Variants in GRAMD4 observed in about 807,000 individuals in gnomAD.
GRAMD4 encodes the protein GRAM domain-containing protein 4.
A neutral mutation model predicts 83.9 loss-of-function variants in GRAMD4; 25 were observed. That is an observed-to-expected ratio of 0.30 (90% confidence interval 0.22 to 0.42). GRAMD4 has a LOEUF of 0.42. Among genes scored for constraint, GRAMD4 ranks in the 10% least tolerant of loss-of-function variants. The probability of loss-of-function intolerance (pLI) is 1.00; values close to 1 mark genes in which losing one functional copy is unlikely to be tolerated. For missense variants in GRAMD4, 593 were observed against 788.7 expected, an observed-to-expected ratio of 0.75 and a Z score of 2.97; for synonymous variants, 336 against 320.9, an observed-to-expected ratio of 1.05 and a Z score of -0.50.
At chr22:46,674,634 A>T in intron 15 of GRAMD4, 23 bp from the exon 16 acceptor site, 1 of 1,532,064 alleles carries the variant, frequency 6.5e-7, no homozygotes, top group Non-Finnish European at 9.0e-7. Context: ...GGAAAGTGTG[A>T]CAGGCGGGCC....
intron 3 of GRAMD4, among the ~76,000 whole-genome samples, chr22:46,656,870 G>A (rs1264474627): frequency 6.6e-6 from 1 of 152,224 alleles, no homozygotes; most frequent in Non-Finnish European, 1.5e-5. Context: ...CTGTGCAGTT[G>A]AAGTCGAGGC....
At chr22:46,589,461 T>G in intron 1 of GRAMD4, among the ~76,000 whole-genome samples, 1 of 123,094 alleles carries the variant, frequency 8.1e-6, no homozygotes, top group Non-Finnish European at 1.7e-5. Context: ...GCTGGGCTGT[T>G]TGGGGGGATG....
downstream of GRAMD4, among the ~76,000 whole-genome samples, chr22:46,680,805 C>CCCATCCATCCATCCAT (rs751195568): frequency 5.4e-5 from 3 of 55,872 alleles, no homozygotes; most frequent in South Asian, 6.6e-4. Context: ...CATTCACCTA[C>CCCATCCATCCATCCAT]CCATCCATCC....
chr22:46,625,822 G>A (rs1017424573), intron 1 of GRAMD4, among the ~76,000 whole-genome samples: 5 of 152,276 alleles, frequency 3.3e-5, no homozygotes, highest in Non-Finnish European at 7.3e-5. Context: ...GGCCAGGTCG[G>A]GCAGCGATGT....
intron 2 of GRAMD4, among the ~76,000 whole-genome samples, chr22:46,637,341 C>T (rs1238376491): frequency 1.3e-5 from 2 of 152,038 alleles, no homozygotes; most frequent in Non-Finnish European, 2.9e-5. Context: ...CAAGCTCCGC[C>T]TCCTGGGTTC....
chr22:46,663,914 GC>G (rs753577552), intron 7 of GRAMD4, 51 bp downstream of exon 7: 1 of 1,601,534 alleles, frequency 6.2e-7, no homozygotes, highest in South Asian at 1.1e-5. Context: ...TGTGGGTGGG[GC>G]CCATGGCGGT....
chr22:46,665,956 G>A (rs956451639), intron 9 of GRAMD4, among the ~76,000 whole-genome samples: 12 of 152,298 alleles, frequency 7.9e-5, no homozygotes, highest in African/African-American at 1.2e-4. Context: ...AGCCAGGGCC[G>A]TTCCAGCACC....
intron 9 of GRAMD4, 62 bp downstream of exon 9, chr22:46,665,768 C>A: frequency 1.1e-6 from 1 of 906,798 alleles, no homozygotes; most frequent in Non-Finnish European, 1.8e-6. Context: ...TGCTGTCTCC[C>A]TGCGTCTCAC....
chr22:46,658,184 T>G lies in GRAMD4; in HGVS notation c.284-3T>G. 1.2e-6 allele frequency: 2 copies of G among 1,611,992 alleles called. No homozygotes were observed. Among genetic ancestry groups the G allele is most frequent in the Non-Finnish European group, 1.7e-6 (2 of 1,178,960 alleles). On this transcript the variant is annotated splice_region_variant and splice_polypyrimidine_tract_variant and intron_variant, in intron 3 of 18. Transcript: ENST00000406902. ...GGTCACCTGGCCGTTCTCTCCCCCA[T>G]AGAGGAGGAGCTCCGGAAGCTGCGA...
upstream of GRAMD4, among the ~76,000 whole-genome samples, chr22:46,616,227 G>C (rs796255699): frequency 0.06 from 812 of 13,562 alleles, 240 homozygotes; most frequent in East Asian, 0.44. Context: ...TGTGCGTGTA[G>C]GTTCCCCTGT....
intron 1 of GRAMD4, among the ~76,000 whole-genome samples, chr22:46,610,121 G>A (rs1448497444): frequency 6.6e-6 from 1 of 152,202 alleles, no homozygotes; most frequent in Non-Finnish European, 1.5e-5. Context: ...GACCGTCCAG[G>A]CTGCCCCAGC....
intron 3 of GRAMD4, among the ~76,000 whole-genome samples, chr22:46,654,703 G>A (rs1248107494): frequency 1.3e-5 from 2 of 152,188 alleles, no homozygotes; most frequent in Non-Finnish European, 2.9e-5. Flanking sequence ...GACGCACTAC[G>A]TGAGAACTGG....
intron 1 of GRAMD4, among the ~76,000 whole-genome samples, chr22:46,614,038 A>G (rs1462908338): frequency 6.6e-6 from 1 of 152,202 alleles, no homozygotes; most frequent in African/African-American, 2.4e-5. Flanking sequence ...GAGCTGATTG[A>G]TGGATTTTCA....
intron 1 of GRAMD4, among the ~76,000 whole-genome samples, chr22:46,600,594 C>G (rs949211445): frequency 3.9e-5 from 6 of 152,082 alleles, no homozygotes; most frequent in African/African-American, 1.2e-4. Flanking sequence ...AGTGCACAGG[C>G]AGGCATGGAG....
intron 1 of GRAMD4, among the ~76,000 whole-genome samples, chr22:46,599,203 G>A (rs2081289324): frequency 6.6e-6 from 1 of 151,860 alleles, no homozygotes; most frequent in African/African-American, 2.4e-5. Context: ...AGCCACCCTG[G>A]GCGCAGACAG....
intron 13 of GRAMD4, among the ~76,000 whole-genome samples, chr22:46,669,894 T>G (rs2082475861): frequency 1.3e-5 from 2 of 152,242 alleles, no homozygotes; most frequent in South Asian, 4.1e-4. Context: ...TGTTTTGTTT[T>G]GTCTTGTCTT....
chr22:46,673,792 A>G lies in GRAMD4; in HGVS notation c.1362A>G (p.Thr454=), dbSNP rs758403342. The change falls in exon 15 of 19, where the codon ACA becomes ACG. Residue 454 remains threonine (T), a synonymous_variant. Coordinates refer to ENST00000406902, the MANE Select transcript of GRAMD4 (RefSeq NM_015124.5). The part of the protein sequence containing the change: ...KGNFHEIFNL[T]ENERPLAVCE... ...ATTTCCACGAGATCTTCAATCTGAC[A>G]GAAAACGAGCGTCCGCTGGCGGGTA... 3.7e-6 allele frequency: 6 copies of G among 1,612,988 alleles called. No individual in the cohort carries two copies. In the African/African-American group the frequency reaches 8.0e-5, roughly 22 times the overall value.
intron 2 of GRAMD4, among the ~76,000 whole-genome samples, chr22:46,636,102 G>A (rs1392404566): frequency 1.3e-5 from 2 of 152,186 alleles, no homozygotes; most frequent in South Asian, 2.1e-4. Flanking sequence ...CGGCACCTGC[G>A]TCTTGAGCTT....
rs201448903 is a variant in GRAMD4 at position 46,676,682 on chromosome 22, G to C, written c.1632+14G>C. 2 of 1,546,322 alleles carry C rather than the reference G, an allele frequency of 1.3e-6. No individual in the cohort carries two copies. Among genetic ancestry groups the C allele is most frequent in the African/African-American group, 1.4e-5 (1 of 72,964 alleles). On this transcript the variant is annotated intron_variant, in intron 18 of 18. Coordinates refer to ENST00000406902, the MANE Select transcript of GRAMD4 (RefSeq NM_015124.5). ...TCCACCCAGAAAGTAGGTGCCGGGC[G>C]GGGGGCCGCCAAGGGGTTGGTGTGG... is the stretch of plus-strand genomic sequence containing the variant.
Sources: gnomAD v4.1 joint callset for allele counts (sites outside exome capture counted in the v4.1 genomes callset) on GRCh38, gnomAD v4.1.1 for gene constraint, MANE v1.5 for transcripts, NCBI Gene and HGNC (gene_info 2026-07-23, HGNC 2026-07-21) for gene names.